MAML3: variants seen among roughly 807,000 people sequenced by gnomAD.
MAML3 encodes mastermind-like protein 3.
MAML3 carries 27 observed loss-of-function variants against 101.9 expected under a neutral mutation model. That is an observed-to-expected ratio of 0.27 (90% CI 0.20 to 0.37). MAML3 has a LOEUF of 0.37. Among genes scored for constraint, MAML3 ranks in the 10% least tolerant of loss-of-function variants. The pLI, the probability that MAML3 is intolerant of heterozygous loss-of-function variation, is 1.00. For synonymous variants in MAML3, 501 were observed against 555.9 expected (o/e 0.90, Z 1.39); for missense variants, 1,316 against 1,444.9 (o/e 0.91, Z 1.45).
At position 139,972,284 on chromosome 4, in the gene MAML3, T is replaced by C. The variant is rs563722487; in HGVS notation, c.469-81317A>G. On this transcript the variant is annotated intron_variant, in intron 1 of 4. Coordinates refer to ENST00000509479, the MANE Select transcript of MAML3 (RefSeq NM_018717.5). ...GGTGTCTATTAAGGAACCAAATAAATCTTGCCCTCTACAGTGGTAGCCACA... is the reference window on the plus strand; with the variant it reads ...GGTGTCTATTAAGGAACCAAATAAACCTTGCCCTCTACAGTGGTAGCCACA... Among the ~76,000 whole-genome samples the C allele has an allele frequency of 1.8e-4, 28 of 152,344 alleles. No individual in the cohort carries two copies. The South Asian group carries it at 3.7e-3, about 20-fold the overall frequency.
chr4:139,969,515 A>G (rs1734198062), intron 1 of MAML3, among the ~76,000 whole-genome samples: 1 of 152,186 alleles, frequency 6.6e-6, no homozygotes, highest in South Asian at 2.1e-4. Context: ...TCCACATTTG[A>G]TAATTTACAG....
chr4:140,060,044 A>G (rs969303634), intron 1 of MAML3, among the ~76,000 whole-genome samples: 8 of 152,126 alleles, frequency 5.3e-5, no homozygotes, highest in Non-Finnish European at 1.0e-4. Context: ...AAGGACATCA[A>G]AACAAAGGAA....
chr4:139,719,091 C>T lies in MAML3; in HGVS notation c.*232G>A, dbSNP rs886816383. On this transcript the variant is annotated 3_prime_UTR_variant, in exon 5 of 5. Transcript: ENST00000509479. ...TGCTCCTCCGGGTGTCTCCCTCTCT[C>T]GCAGCCGGGATCTGCATGGCGTCTC... 1 of 508,754 alleles carries T rather than the reference C, an allele frequency of 2.0e-6. No individual in the cohort carries two copies. Among genetic ancestry groups the T allele is most frequent in the Non-Finnish European group, 3.4e-6 (1 of 294,400 alleles). The allele number at this position is 508,754 out of a possible 1,614,324, so 31.5% of individuals were successfully genotyped here.
intron 1 of MAML3, among the ~76,000 whole-genome samples, chr4:139,988,758 T>C (rs1375471674): frequency 1.3e-5 from 2 of 152,190 alleles, no homozygotes; most frequent in Non-Finnish European, 2.9e-5. Flanking sequence ...AATTGGTGCA[T>C]TTGTTGTATG....
intron 1 of MAML3, among the ~76,000 whole-genome samples, chr4:139,979,901 C>T (rs1008489536): frequency 2.6e-5 from 4 of 152,188 alleles, no homozygotes; most frequent in African/African-American, 7.2e-5. Context: ...TGGACTAAGG[C>T]AGTGGTTCTC....
chr4:139,749,164 GT>G (rs1391181957), intron 2 of MAML3, among the ~76,000 whole-genome samples: 1 of 152,132 alleles, frequency 6.6e-6, no homozygotes, highest in Non-Finnish European at 1.5e-5. Context: ...TAAATGTACA[GT>G]TTCTATGTTC....
intron 1 of MAML3, among the ~76,000 whole-genome samples, chr4:140,007,388 T>G (rs189054933): frequency 6.6e-6 from 1 of 152,330 alleles, no homozygotes; most frequent in Non-Finnish European, 1.5e-5. Flanking sequence ...ATTACAGCTT[T>G]TCCTTCCTGG....
intron 1 of MAML3, among the ~76,000 whole-genome samples, chr4:140,126,459 A>G (rs1180908699): frequency 6.6e-6 from 1 of 152,244 alleles, no homozygotes; most frequent in Admixed American, 6.5e-5. Flanking sequence ...TGCTGACTAT[A>G]TTCTCCTTAG....
intron 2 of MAML3, among the ~76,000 whole-genome samples, chr4:139,775,166 C>T (rs1416429161): frequency 6.6e-6 from 1 of 152,204 alleles, no homozygotes; most frequent in Non-Finnish European, 1.5e-5. Context: ...GCCCTCAGAA[C>T]TCTTAATCCT....
intron 2 of MAML3, among the ~76,000 whole-genome samples, chr4:139,784,883 A>C (rs1730278903): frequency 6.6e-6 from 1 of 151,710 alleles, no homozygotes; most frequent in African/African-American, 2.4e-5. Context: ...GTGGGAGCTA[A>C]TGTGTGCACG....
intron 2 of MAML3, among the ~76,000 whole-genome samples, chr4:139,763,190 T>C (rs6820628): frequency 0.044 from 6,742 of 152,276 alleles, 166 homozygotes; most frequent in African/African-American, 0.058. Context: ...AACTTAACTC[T>C]ACAGAGGAGA....
At chr4:139,968,560 G>C (rs1708148525) in intron 1 of MAML3, among the ~76,000 whole-genome samples, 1 of 152,106 alleles carries the variant, frequency 6.6e-6, no homozygotes, top group African/African-American at 2.4e-5. Context: ...GCTTGTTACA[G>C]TCCAGACTTT....
At chr4:139,840,223 C>A (rs902380089) in intron 2 of MAML3, among the ~76,000 whole-genome samples, 5 of 152,128 alleles carry the variant, frequency 3.3e-5, no homozygotes, top group Admixed American at 3.3e-4. Flanking sequence ...ACGTACTGGG[C>A]ATACAGAAAA....
At chr4:139,971,238 C>T (rs1734230389) in intron 1 of MAML3, among the ~76,000 whole-genome samples, 1 of 152,164 alleles carries the variant, frequency 6.6e-6, no homozygotes, top group Admixed American at 6.5e-5. Flanking sequence ...AACTGCACTG[C>T]AACTACAACT....
intron 2 of MAML3, among the ~76,000 whole-genome samples, chr4:139,853,446 A>T (rs1437065315): frequency 1.3e-5 from 2 of 151,906 alleles, no homozygotes; most frequent in Non-Finnish European, 2.9e-5. Context: ...TGGTTGGGGG[A>T]GGGAAGCAGG....
chr4:139,922,962 C>T (rs908287333), intron 1 of MAML3, among the ~76,000 whole-genome samples: 10 of 152,088 alleles, frequency 6.6e-5, no homozygotes, highest in African/African-American at 2.2e-4. Context: ...GCAGGGGTGC[C>T]GGGTAGATCT....
chr4:139,942,231 C>T (rs1039923737), intron 1 of MAML3, among the ~76,000 whole-genome samples: 4 of 151,842 alleles, frequency 2.6e-5, no homozygotes, highest in Non-Finnish European at 5.9e-5. Context: ...TCCTTTAATA[C>T]CAGAACAAAG....
At chr4:139,819,548 C>A (rs1478017200) in intron 2 of MAML3, among the ~76,000 whole-genome samples, 1 of 152,110 alleles carries the variant, frequency 6.6e-6, no homozygotes, top group Non-Finnish European at 1.5e-5. Flanking sequence ...GCTAGATTTG[C>A]AAGGCTGGCC....
intron 2 of MAML3, among the ~76,000 whole-genome samples, chr4:139,757,750 C>T (rs1310838627): frequency 6.6e-6 from 1 of 152,038 alleles, no homozygotes; most frequent in African/African-American, 2.4e-5. Flanking sequence ...CCCATGCTAC[C>T]TCTGATCCTA....
Sources: gnomAD v4.1 joint callset for allele counts (sites outside exome capture counted in the v4.1 genomes callset) on GRCh38, gnomAD v4.1.1 for gene constraint, MANE v1.5 for transcripts, NCBI Gene and HGNC (gene_info 2026-07-23, HGNC 2026-07-21) for gene names.